The following BCKDHA variants were observed in gnomAD, a reference collection of about 807,000 sequenced individuals.
BCKDHA encodes branched chain keto acid dehydrogenase E1 subunit alpha.
BCKDHA carries 43 observed loss-of-function variants against 52.2 expected under a neutral mutation model. The ratio of observed to expected loss-of-function variants is 0.82; its 90% CI spans 0.64 to 1.06. The LOEUF (loss-of-function observed/expected upper bound fraction) is 1.06, where lower values mean the gene tolerates loss of function less well. Ranked by LOEUF, BCKDHA falls within the 50% of genes least tolerant of loss-of-function variation. BCKDHA has a pLI of 0.00. For synonymous variants in BCKDHA, 234 were observed against 247.9 expected, an observed-to-expected ratio of 0.94 and a Z score of 0.53; for missense variants, 527 against 621.3, an observed-to-expected ratio of 0.85 and a Z score of 1.61.
chr19:41,419,792 G>A (rs1047765938), intron 5 of BCKDHA, among the ~76,000 whole-genome samples: 1 of 141,910 alleles, frequency 7.0e-6, no homozygotes, highest in African/African-American at 2.5e-5. Context: ...TCTGAGACGG[G>A]GTTTCACTCT....
At position 41,397,866 on chromosome 19, in the gene BCKDHA, A is replaced by G; in HGVS notation, c.39A>G (p.Leu13=). The G allele has an allele frequency of 6.2e-7, 1 of 1,614,184 alleles. No individual in the cohort carries two copies. Among genetic ancestry groups the G allele is most frequent in the African/African-American group, 1.3e-5 (1 of 75,056 alleles). ...VAIAAARVWR[L]NRGLSQAALL... The stretch of plus-strand genomic sequence containing the variant: ...TCGCTGCAGCGAGGGTCTGGCGGCT[A>G]AACCGTGGTTTGAGCCAGGCTGCCC... The change falls in exon 1 of 9, where the codon CTA becomes CTG. Residue 13 remains leucine, a synonymous_variant. Coordinates refer to ENST00000269980, the MANE Select transcript of BCKDHA (RefSeq NM_000709.4).
In BCKDHA at chr19:41,417,907, C is replaced by T. The variant is rs185915965; in HGVS notation, c.485-1228C>T. Among the ~76,000 whole-genome samples, 22 of 147,754 alleles carry T rather than the reference C, an allele frequency of 1.5e-4. No individual in the cohort carries two copies. In the Middle Eastern group the frequency reaches 0.014, roughly 93 times the overall value. ...GCCATTGCATTCTGGGCAACAAGAG[C>T]AAAACTCCGTCTCAAAAAAAAAAAA... On this transcript the variant is annotated intron_variant, in intron 4 of 8. Coordinates refer to ENST00000269980, the MANE Select transcript of BCKDHA (RefSeq NM_000709.4).
chr19:41,405,963 C>T lies in BCKDHA; in HGVS notation c.109-4674C>T, dbSNP rs146102061. ...TCACTGGCCACCGGGACAGACTCCCCCACCCCCTTCCAAAAACTAGAGGAA... is the reference window on the plus strand; with the variant it reads ...TCACTGGCCACCGGGACAGACTCCCTCACCCCCTTCCAAAAACTAGAGGAA... On this transcript the variant is annotated intron_variant, in intron 1 of 8. Coordinates refer to ENST00000269980, the MANE Select transcript of BCKDHA (RefSeq NM_000709.4). 2.7e-3 allele frequency among the ~76,000 whole-genome samples: 417 copies of T among 152,284 alleles called. 3 individuals are homozygous for T. The highest frequency in any genetic ancestry group is 9.7e-3 in the African/African-American group (401 of 41,554).
At chr19:41,415,788 A>G (rs1286150909) in intron 4 of BCKDHA, among the ~76,000 whole-genome samples, 3 of 151,200 alleles carry the variant, frequency 2.0e-5, no homozygotes, top group Non-Finnish European at 4.4e-5. Context: ...AGCTGGGACT[A>G]CAGGCGCCCA....
At chr19:41,423,480 G>A (rs1038406637) in intron 8 of BCKDHA, among the ~76,000 whole-genome samples, 1 of 151,968 alleles carries the variant, frequency 6.6e-6, no homozygotes, top group Non-Finnish European at 1.5e-5. Flanking sequence ...GATCACTTGA[G>A]GTCAGGAGCT....
intron 1 of BCKDHA, among the ~76,000 whole-genome samples, chr19:41,400,967 G>A (rs1014250872): frequency 6.6e-6 from 1 of 151,954 alleles, no homozygotes; most frequent in African/African-American, 2.4e-5. Context: ...AGCCGAGATC[G>A]CACCACTATA....
intron 1 of BCKDHA, among the ~76,000 whole-genome samples, chr19:41,409,798 AT>A (rs10565264): frequency 0.023 from 2,475 of 109,142 alleles, 40 homozygotes; most frequent in African/African-American, 0.077. Flanking sequence ...CCTCTAAGGG[AT>A]TTTTTTTTTT....
chr19:41,419,009 C>A, intron 4 of BCKDHA, 126 bp from the exon 5 acceptor site: 1 of 1,147,008 alleles, frequency 8.7e-7, no homozygotes, highest in Non-Finnish European at 1.3e-6. Flanking sequence ...GTCTGAACAT[C>A]AGTCTTCCTC....
rs148090804 is a variant in BCKDHA at position 41,424,481 on chromosome 19, A to G, written c.1211A>G (p.Asn404Ser). Residue 404 changes from asparagine (N) to serine (S), a missense_variant, in exon 9 of 9, where the codon AAC (asparagine) becomes AGC (serine). Coordinates refer to ENST00000269980, the MANE Select transcript of BCKDHA (RefSeq NM_000709.4). Reference protein sequence around the residue: ...FEQAERKPKPNPNLLFSDVYQ... With the variant: ...FEQAERKPKPSPNLLFSDVYQ... Reference sequence around the variant, plus strand: ...CAGGCCGAGCGGAAGCCCAAACCCAACCCCAACCTACTCTTCTCAGACGTG... The same window carrying G: ...CAGGCCGAGCGGAAGCCCAAACCCAGCCCCAACCTACTCTTCTCAGACGTG... The G allele has an allele frequency of 4.6e-4, 740 of 1,613,888 alleles. 11 individuals are homozygous for G. In the East Asian group the frequency reaches 0.016, roughly 34 times the overall value.
chr19:41,412,946 C>T (rs373890230), intron 3 of BCKDHA, among the ~76,000 whole-genome samples: 23 of 151,370 alleles, frequency 1.5e-4, no homozygotes, highest in African/African-American at 5.3e-4. Flanking sequence ...TCAAGTGATC[C>T]GCCTGCCTTG....
chr19:41,410,555 G>T, intron 1 of BCKDHA, 82 bp from the exon 2 acceptor site: 1 of 1,515,914 alleles, frequency 6.6e-7, no homozygotes, highest in Non-Finnish European at 9.0e-7. Context: ...CCACCATGCC[G>T]CCTGCCTGCC....
At chr19:41,416,744 A>AC (rs953837137) in intron 4 of BCKDHA, among the ~76,000 whole-genome samples, 2 of 151,528 alleles carry the variant, frequency 1.3e-5, no homozygotes, top group Non-Finnish European at 2.9e-5. Context: ...ACATGGCGAG[A>AC]CCCCCATCTC....
At chr19:41,418,231 C>A (rs949182105) in intron 4 of BCKDHA, among the ~76,000 whole-genome samples, 1 of 151,990 alleles carries the variant, frequency 6.6e-6, no homozygotes, top group Non-Finnish European at 1.5e-5. Context: ...GAATAATGTT[C>A]CCGGTCTGAG....
In BCKDHA at chr19:41,406,729, A is replaced by C. The variant is rs1222337697; in HGVS notation, c.109-3908A>C. 3.3e-5 allele frequency among the ~76,000 whole-genome samples: 5 copies of C among 152,084 alleles called. No homozygotes were observed. In the East Asian group the frequency reaches 9.7e-4, roughly 29 times the overall value. On this transcript the variant is annotated intron_variant, in intron 1 of 8. Transcript: ENST00000269980. ...GGATTACAGGCACCTACCATCATGC[A>C]CGGCTGTTTTTTGTATTTTTAGTAG...
intron 1 of BCKDHA, 62 bp from the exon 2 acceptor site, chr19:41,410,575 G>A: frequency 6.3e-7 from 1 of 1,597,850 alleles, no homozygotes; most frequent in East Asian, 2.2e-5. Context: ...CGCCGGGGCT[G>A]AGCCAGCGGA....
At chr19:41,411,239 G>A (rs1181722181) in intron 3 of BCKDHA, among the ~76,000 whole-genome samples, 1 of 152,156 alleles carries the variant, frequency 6.6e-6, no homozygotes, top group Non-Finnish European at 1.5e-5. Flanking sequence ...CCTGGCTGGG[G>A]GCTCGCCTGT....
chr19:41,415,708 G>A (rs886981060), intron 4 of BCKDHA, among the ~76,000 whole-genome samples: 18 of 151,852 alleles, frequency 1.2e-4, no homozygotes, highest in African/African-American at 4.3e-4. Context: ...GAGTGCAGTG[G>A]CGCGATCTCG....
chr19:41,414,503 A>G (rs907466533), intron 4 of BCKDHA, among the ~76,000 whole-genome samples: 1 of 152,156 alleles, frequency 6.6e-6, no homozygotes, highest in Admixed American at 6.5e-5. Flanking sequence ...GGATGCAGTG[A>G]AGTCAACGTT....
intron 4 of BCKDHA, chr19:41,418,749 A>G: frequency 2.2e-6 from 1 of 447,420 alleles, no homozygotes; most frequent in Non-Finnish European, 4.4e-6. Flanking sequence ...CATGTTGCTC[A>G]GGCTGGTCTC....
Sources: gnomAD v4.1 joint callset for allele counts (sites outside exome capture counted in the v4.1 genomes callset) on GRCh38, gnomAD v4.1.1 for gene constraint, MANE v1.5 for transcripts, NCBI Gene and HGNC (gene_info 2026-07-23, HGNC 2026-07-21) for gene names.